OR5A1: variants seen among roughly 807,000 people sequenced by gnomAD.
OR5A1 encodes the protein olfactory receptor family 5 subfamily A member 1.
A neutral mutation model predicts 6.7 loss-of-function variants in OR5A1; 6 were observed. That is an observed-to-expected ratio of 0.89 (90% CI 0.49 to 1.76). The LOEUF (loss-of-function observed/expected upper bound fraction) is 1.76. Ranked by LOEUF, OR5A1 falls within the 40% of genes most tolerant of loss-of-function variation. The pLI, the probability that OR5A1 is intolerant of heterozygous loss-of-function variation, is 0.01. For synonymous variants in OR5A1, 170 were observed against 155.0 expected, an observed-to-expected ratio of 1.10 and a Z score of -0.72; for missense variants, 378 against 381.7, an observed-to-expected ratio of 0.99 and a Z score of 0.08.
At chr11:59,442,981 C>T (rs1858497061) in intron 1 of OR5A1, among the ~76,000 whole-genome samples, 155 bp from the exon 2 acceptor site, 1 of 152,132 alleles carries the variant, frequency 6.6e-6, no homozygotes. Context: ...ACTGCAACTC[C>T]CTTCTTTGAG....
At position 59,443,855 on chromosome 11, in the gene OR5A1, G is replaced by A. The variant is rs546057049; in HGVS notation, c.687G>A (p.Leu229=). ...ISYGYIVSAV[L]KIPSAEGRWK... is the part of the protein sequence containing the mutation. The stretch of plus-strand genomic sequence containing the variant: ...ATGGTTACATAGTGTCTGCGGTCCT[G>A]AAGATCCCTTCAGCAGAGGGCCGAT... The change falls in exon 2 of 2, where the codon CTG becomes CTA. Residue 229 remains leucine (L), a synonymous_variant. Coordinates refer to ENST00000641045, the MANE Select transcript of OR5A1 (RefSeq NM_001004728.2). The A allele has an allele frequency of 5.6e-6, 9 of 1,614,068 alleles. No individual in the cohort carries two copies. In the South Asian group the frequency reaches 7.7e-5, roughly 14 times the overall value.
chr11:59,440,177 C>A (rs946916387), intron 1 of OR5A1, among the ~76,000 whole-genome samples: 2 of 152,200 alleles, frequency 1.3e-5, no homozygotes, highest in African/African-American at 2.4e-5. Flanking sequence ...AATCCTCCCA[C>A]CTCAGCCTCC....
intron 1 of OR5A1, among the ~76,000 whole-genome samples, chr11:59,441,912 C>T (rs538224667): frequency 6.7e-6 from 1 of 149,902 alleles, no homozygotes; most frequent in Non-Finnish European, 1.5e-5. Flanking sequence ...AGATGATAGA[C>T]AGATAGATAA....
At chr11:59,436,970 T>C (rs990317457) in intron 1 of OR5A1, 135 bp downstream of exon 1, 1 of 152,258 alleles carries the variant, frequency 6.6e-6, no homozygotes, top group Admixed American at 6.5e-5. Flanking sequence ...CTCAATGCTA[T>C]TTGTCTTTCC....
In OR5A1 at chr11:59,444,119, C is replaced by T; in HGVS notation, c.*3C>T. Reference sequence around the variant, plus strand: ...AAAGGAAGAAAGTGTTTTCTTAGGTCATGCGTAGAAACTTATTTATCCAAA... The same window carrying T: ...AAAGGAAGAAAGTGTTTTCTTAGGTTATGCGTAGAAACTTATTTATCCAAA... On this transcript the variant is annotated 3_prime_UTR_variant, in exon 2 of 2. Transcript: ENST00000641045. 6.3e-7 allele frequency: 1 copy of T among 1,590,610 alleles called. No individual in the cohort carries two copies. Among genetic ancestry groups the T allele is most frequent in the South Asian group, 1.1e-5 (1 of 90,296 alleles).
At position 59,443,312 on chromosome 11, in the gene OR5A1, C is replaced by T. The variant is rs755395610; in HGVS notation, c.144C>T (p.Leu48=). The change falls in exon 2 of 2, where the codon CTC becomes CTT. Residue 48 remains leucine, a synonymous_variant. Transcript: ENST00000641045. ...CCACCCTGGCCTGGAACCTGGCCCT[C>T]ATTTTTCTGATCAGAGGTGACACCC... ...YLTTLAWNLA[L]IFLIRGDTHL... The T allele has an allele frequency of 5.0e-6, 8 of 1,613,738 alleles. No homozygotes were observed. Among genetic ancestry groups the T allele is most frequent in the Non-Finnish European group, 6.8e-6 (8 of 1,180,034 alleles).
At position 59,448,994 on chromosome 11, in the gene OR5A1, A is replaced by T. The variant is rs184890252; in HGVS notation, c.*4878A>T. On this transcript the variant is annotated 3_prime_UTR_variant, in exon 2 of 2. Coordinates refer to ENST00000641045, the MANE Select transcript of OR5A1 (RefSeq NM_001004728.2). Reference sequence around the variant, plus strand: ...AGATTCCTCAGACTTCCCTGTACACAGTTTCATCACCTCCTTATTAGATGT... The same window carrying T: ...AGATTCCTCAGACTTCCCTGTACACTGTTTCATCACCTCCTTATTAGATGT... 5 of 152,218 alleles carry T rather than the reference A, an allele frequency of 3.3e-5. No homozygotes were observed. The East Asian group carries it at 9.7e-4, about 29-fold the overall frequency. The allele number at this position is 152,218 out of a possible 1,614,324, so 9.4% of individuals were successfully genotyped here. A position where few individuals can be genotyped will look rare whatever the true frequency, so the allele number is the denominator to read the frequency against.
intron 1 of OR5A1, among the ~76,000 whole-genome samples, chr11:59,439,681 T>C (rs552546551): frequency 7.5e-4 from 115 of 152,330 alleles, no homozygotes; most frequent in Non-Finnish European, 1.5e-3. Flanking sequence ...CAGCTCCACT[T>C]TCTGTTTCTG....
Position 59,441,666 on chromosome 11 carries a change from G to A in OR5A1, c.-33-1470G>A, listed in dbSNP as rs201695480. Among the ~76,000 whole-genome samples the A allele has an allele frequency of 2.6e-5, 4 of 152,148 alleles. No individual in the cohort carries two copies. The East Asian group carries it at 7.7e-4, about 29-fold the overall frequency. On this transcript the variant is annotated intron_variant, in intron 1 of 1. Coordinates refer to ENST00000641045, the MANE Select transcript of OR5A1 (RefSeq NM_001004728.2). ...ATTAATGTGCATTGAGACTCAGTGT[G>A]GCTGTGTGAGGGGGCAATGGGAGTC... is the stretch of plus-strand genomic sequence containing the variant.
intron 1 of OR5A1, among the ~76,000 whole-genome samples, chr11:59,438,024 C>G (rs1858439218): frequency 6.6e-6 from 1 of 152,174 alleles, no homozygotes; most frequent in African/African-American, 2.4e-5. Context: ...AGCCTGGCCC[C>G]TTTCTGTTGC....
In OR5A1 at chr11:59,443,287, C is replaced by A. The variant is rs1213077222; in HGVS notation, c.119C>A (p.Thr40Asn). ...GTGACCTTCCTGGGCATCTATCTTA[C>A]CACCCTGGCCTGGAACCTGGCCCTC... ...LFVTFLGIYL[T>N]TLAWNLALIF... The change falls in exon 2 of 2, where the codon ACC (threonine) becomes AAC (asparagine). Residue 40 changes from threonine (T) to asparagine (N), a missense_variant. Physicochemically the swap from Thr to Asn is moderately conservative, Grantham distance 65. Coordinates refer to ENST00000641045, the MANE Select transcript of OR5A1 (RefSeq NM_001004728.2). 1.2e-6 allele frequency: 2 copies of A among 1,613,896 alleles called. No individual in the cohort carries two copies. Among genetic ancestry groups the A allele is most frequent in the South Asian group, 1.1e-5 (1 of 91,074 alleles).
chr11:59,447,586 T>C lies in OR5A1; in HGVS notation c.*3470T>C, dbSNP rs1434838241. On this transcript the variant is annotated 3_prime_UTR_variant, in exon 2 of 2. Coordinates refer to ENST00000641045, the MANE Select transcript of OR5A1 (RefSeq NM_001004728.2). The stretch of plus-strand genomic sequence containing the variant: ...CAAGAAAGAATATGAGAAGGAGAGA[T>C]TGTCTGATCCTCACCCCTATTTGGT... The C allele has an allele frequency of 1.3e-5, 2 of 152,180 alleles. No homozygotes were observed. Among genetic ancestry groups the C allele is most frequent in the Non-Finnish European group, 2.9e-5 (2 of 68,016 alleles). The allele number at this position is 152,180 out of a possible 1,614,324, so 9.4% of individuals were successfully genotyped here. A position where few individuals can be genotyped will look rare whatever the true frequency, so the allele number is the denominator to read the frequency against.
At chr11:59,441,190 T>C (rs1858477093) in intron 1 of OR5A1, among the ~76,000 whole-genome samples, 1 of 152,234 alleles carries the variant, frequency 6.6e-6, no homozygotes, top group African/African-American at 2.4e-5. Context: ...TGTGAAGTTA[T>C]TGACTTGCAA....
Position 59,444,169 on chromosome 11 carries a change from G to A in OR5A1, c.*53G>A, listed in dbSNP as rs1858520844. On this transcript the variant is annotated 3_prime_UTR_variant, in exon 2 of 2. Coordinates refer to ENST00000641045, the MANE Select transcript of OR5A1 (RefSeq NM_001004728.2). ...ACTGCTGGAGAATTAAACAATCCAA[G>A]CCTTCACCTCCACCTCTGCCTCAGG... 5.7e-6 allele frequency: 7 copies of A among 1,225,420 alleles called. No individual in the cohort carries two copies. In the South Asian group the frequency reaches 8.0e-5, roughly 14 times the overall value. The allele number at this position is 1,225,420 out of a possible 1,614,324, so 75.9% of individuals were successfully genotyped here.
Position 59,445,833 on chromosome 11 carries a change from C to T in OR5A1, c.*1717C>T, listed in dbSNP as rs1590614811. ...TCTTTTGAGAAGTGTCTGTTCATGTCATTTGCCCACTTTTAGATAGGGTTG... is the reference window on the plus strand; with the variant it reads ...TCTTTTGAGAAGTGTCTGTTCATGTTATTTGCCCACTTTTAGATAGGGTTG... On this transcript the variant is annotated 3_prime_UTR_variant, in exon 2 of 2. Coordinates refer to ENST00000641045, the MANE Select transcript of OR5A1 (RefSeq NM_001004728.2). The T allele has an allele frequency of 6.6e-6, 1 of 152,162 alleles. No individual in the cohort carries two copies. Among genetic ancestry groups the T allele is most frequent in the African/African-American group, 2.4e-5 (1 of 41,514 alleles). The allele number at this position is 152,162 out of a possible 1,614,324, so 9.4% of individuals were successfully genotyped here.
intron 1 of OR5A1, among the ~76,000 whole-genome samples, chr11:59,442,305 G>A (rs2867731): frequency 0.62 from 94,109 of 152,044 alleles, 29,774 homozygotes; most frequent in South Asian, 0.74. Context: ...AGCCAGTCGC[G>A]GTGGCGTATG....
Position 59,445,452 on chromosome 11 carries a change from T to C in OR5A1, c.*1336T>C, listed in dbSNP as rs983834554. The C allele has an allele frequency of 2.0e-5, 3 of 152,184 alleles. No homozygotes were observed. The highest frequency in any genetic ancestry group is 7.2e-5 in the African/African-American group (3 of 41,434). 9.4% of individuals were successfully genotyped at this position (152,184 alleles called of 1,614,324 possible). A position where few individuals can be genotyped will look rare whatever the true frequency, so the allele number is the denominator to read the frequency against. On this transcript the variant is annotated 3_prime_UTR_variant, in exon 2 of 2. Coordinates refer to ENST00000641045, the MANE Select transcript of OR5A1 (RefSeq NM_001004728.2). ...GATTCCATGTCTTTGCTATTGTGAA[T>C]AGTGCTGCAATGAACATACACATGC...
Position 59,443,203 on chromosome 11 carries a change from T to A in OR5A1, c.35T>A (p.Val12Glu). Residue 12 changes from valine to glutamate, a missense_variant, in exon 2 of 2, where the codon GTG (valine) becomes GAG (glutamate). Coordinates refer to ENST00000641045, the MANE Select transcript of OR5A1 (RefSeq NM_001004728.2). Reference sequence around the variant, plus strand: ...ACCAAAGCCTGGAACAGCTCATCAGTGACCATGTTCATCCTCCTGGGATTC... The same window carrying A: ...ACCAAAGCCTGGAACAGCTCATCAGAGACCATGTTCATCCTCCTGGGATTC... ...SITKAWNSSS[V>E]TMFILLGFTD... 1 of 1,614,102 alleles carries A rather than the reference T, an allele frequency of 6.2e-7. No individual in the cohort carries two copies. The highest frequency in any genetic ancestry group is 8.5e-7 in the Non-Finnish European group (1 of 1,179,996).
chr11:59,438,883 G>A (rs757495804), intron 1 of OR5A1, among the ~76,000 whole-genome samples: 2 of 152,196 alleles, frequency 1.3e-5, no homozygotes, highest in Middle Eastern at 3.4e-3. Flanking sequence ...GACCCCTTTA[G>A]CATTGTCACC....
Sources: gnomAD v4.1 joint callset for allele counts (sites outside exome capture counted in the v4.1 genomes callset) on GRCh38, gnomAD v4.1.1 for gene constraint, MANE v1.5 for transcripts, NCBI Gene and HGNC (gene_info 2026-07-23, HGNC 2026-07-21) for gene names.